NALF1: variants seen among roughly 807,000 people sequenced by gnomAD.
The protein encoded by NALF1 is NALCN channel auxiliary factor 1.
NALF1 carries 3 observed loss-of-function variants against 48.4 expected under a neutral mutation model. The observed-to-expected ratio is 0.06, with a 90% CI of 0.03 to 0.16. The LOEUF is 0.16. Ranked by LOEUF, NALF1 falls within the 10% of genes least tolerant of loss-of-function variation. NALF1 has a pLI of 1.00. For missense variants in NALF1, 526 were observed against 571.5 expected (o/e 0.92, Z 0.81); for synonymous variants, 262 against 245.7 (o/e 1.07, Z -0.62).
At chr13:107,507,395 T>G (rs979870813) in intron 1 of NALF1, among the ~76,000 whole-genome samples, 2 of 151,954 alleles carry the variant, frequency 1.3e-5, no homozygotes, top group Non-Finnish European at 2.9e-5. Flanking sequence ...CCAGAGGAGA[T>G]TCATGTATTT....
rs564269641 is a variant in NALF1 at position 107,573,865 on chromosome 13, T to C, written c.915+291817A>G. Among the ~76,000 whole-genome samples, 4 of 152,272 alleles carry C rather than the reference T, an allele frequency of 2.6e-5. 1 individual carries two copies. Among genetic ancestry groups the C allele is most frequent in the African/African-American group, 9.6e-5 (4 of 41,550 alleles). On this transcript the variant is annotated intron_variant, in intron 1 of 2. Coordinates refer to ENST00000375915, the MANE Select transcript of NALF1 (RefSeq NM_001080396.3). ...GCTCCTCACTCACCTTCCACCATGA[T>C]TGTGAGTCTTCCCCAGCCATGTGGA...
chr13:107,504,390 G>C (rs1403155170), intron 1 of NALF1, among the ~76,000 whole-genome samples: 1 of 152,008 alleles, frequency 6.6e-6, no homozygotes, highest in Non-Finnish European at 1.5e-5. Flanking sequence ...TAAGTTTATT[G>C]TGGAGGGATT....
chr13:107,235,592 T>C (rs1880325110), intron 1 of NALF1, among the ~76,000 whole-genome samples: 1 of 152,172 alleles, frequency 6.6e-6, no homozygotes, highest in African/African-American at 2.4e-5. Context: ...GTTTACTGTG[T>C]TGTTTAAAGA....
intron 1 of NALF1, among the ~76,000 whole-genome samples, chr13:107,259,219 T>C (rs1479796835): frequency 6.6e-6 from 1 of 152,138 alleles, no homozygotes; most frequent in Non-Finnish European, 1.5e-5. Flanking sequence ...TAAAGTCTTT[T>C]TCTTTATTCA....
At chr13:107,178,421 G>T (rs1878985467) in intron 2 of NALF1, among the ~76,000 whole-genome samples, 1 of 152,164 alleles carries the variant, frequency 6.6e-6, no homozygotes, top group Admixed American at 6.5e-5. Context: ...CTCAAAAGGA[G>T]ACATACAAAT....
At chr13:107,191,903 A>T (rs1157443842) in intron 2 of NALF1, among the ~76,000 whole-genome samples, 3 of 138,432 alleles carry the variant, frequency 2.2e-5, no homozygotes, top group African/African-American at 5.6e-5. Context: ...GCTGGTCTTG[A>T]ACTCCTGACC....
chr13:107,497,470 T>G (rs1175153717), intron 1 of NALF1, among the ~76,000 whole-genome samples: 1 of 152,190 alleles, frequency 6.6e-6, no homozygotes, highest in Non-Finnish European at 1.5e-5. Context: ...GGCTATATGG[T>G]CATCTCTACA....
intron 1 of NALF1, among the ~76,000 whole-genome samples, chr13:107,604,350 TC>T (rs1337256830): frequency 2.0e-5 from 3 of 152,182 alleles, no homozygotes; most frequent in African/African-American, 4.8e-5. Flanking sequence ...TCAGTCTTTT[TC>T]CCCCTTTCTT....
At chr13:107,510,068 G>A (rs944702293) in intron 1 of NALF1, among the ~76,000 whole-genome samples, 19 of 152,212 alleles carry the variant, frequency 1.2e-4, no homozygotes, top group African/African-American at 4.3e-4. Flanking sequence ...TTGGGCCTCC[G>A]AAAGGGCTGG....
intron 1 of NALF1, among the ~76,000 whole-genome samples, chr13:107,294,985 C>CTTTTTTTTT (rs5806644): frequency 6.6e-6 from 1 of 151,366 alleles, no homozygotes; most frequent in Non-Finnish European, 1.5e-5. Context: ...TACTGAATTT[C>CTTTTTTTTT]TTTTTTTTTC....
chr13:107,559,737 T>C (rs1329881625), intron 1 of NALF1, among the ~76,000 whole-genome samples: 1 of 152,202 alleles, frequency 6.6e-6, no homozygotes, highest in African/African-American at 2.4e-5. Flanking sequence ...GGGTTGCTAT[T>C]TGAATGTACA....
At chr13:107,434,610 G>C (rs900247851) in intron 1 of NALF1, among the ~76,000 whole-genome samples, 1 of 152,198 alleles carries the variant, frequency 6.6e-6, no homozygotes, top group Non-Finnish European at 1.5e-5. Flanking sequence ...TAAGTCATGG[G>C]AATAGAGCTA....
intron 1 of NALF1, among the ~76,000 whole-genome samples, chr13:107,305,554 C>T (rs1412833893): frequency 6.6e-6 from 1 of 152,102 alleles, no homozygotes; most frequent in Non-Finnish European, 1.5e-5. Flanking sequence ...GCTTGTAATC[C>T]ATGAAATTCT....
intron 1 of NALF1, among the ~76,000 whole-genome samples, chr13:107,452,242 C>T (rs1884753917): frequency 6.6e-6 from 1 of 152,136 alleles, no homozygotes; most frequent in Non-Finnish European, 1.5e-5. Flanking sequence ...AGGCACATGG[C>T]CTTACGTGTG....
At chr13:107,211,234 A>T (rs1033373083) in intron 1 of NALF1, among the ~76,000 whole-genome samples, 2 of 152,210 alleles carry the variant, frequency 1.3e-5, no homozygotes, top group Non-Finnish European at 2.9e-5. Flanking sequence ...AGGGGTTGGG[A>T]AACTGCTGTT....
At chr13:107,346,170 C>CG (rs374921961) in intron 1 of NALF1, among the ~76,000 whole-genome samples, 2,619 of 150,854 alleles carry the variant, frequency 0.017, 29 homozygotes, top group South Asian at 0.033. Context: ...TTGTTGGGGG[C>CG]GGGGGGGCAG....
At chr13:107,486,404 G>A (rs1885331163) in intron 1 of NALF1, among the ~76,000 whole-genome samples, 1 of 152,174 alleles carries the variant, frequency 6.6e-6, no homozygotes, top group Admixed American at 6.5e-5. Context: ...TTGCCGGCAG[G>A]TGAACAGGGA....
intron 1 of NALF1, among the ~76,000 whole-genome samples, chr13:107,541,073 C>A (rs1445929518): frequency 1.3e-5 from 2 of 152,112 alleles, no homozygotes; most frequent in African/African-American, 2.4e-5. Flanking sequence ...TAAACAAAAA[C>A]TGAAAAGCAA....
intron 1 of NALF1, among the ~76,000 whole-genome samples, chr13:107,532,625 T>C (rs550917665): frequency 6.6e-6 from 1 of 152,248 alleles, no homozygotes; most frequent in South Asian, 2.1e-4. Context: ...AGTTTTTATA[T>C]ACTCATATCT....
Sources: gnomAD v4.1 joint callset for allele counts (sites outside exome capture counted in the v4.1 genomes callset) on GRCh38, gnomAD v4.1.1 for gene constraint, MANE v1.5 for transcripts, NCBI Gene and HGNC (gene_info 2026-07-23, HGNC 2026-07-21) for gene names.